The following SMG6 variants were observed in gnomAD, a reference collection of about 807,000 sequenced individuals.
SMG6 encodes SMG6 nonsense mediated mRNA decay factor.
A neutral mutation model predicts 142.2 loss-of-function variants in SMG6; 66 were observed. The observed-to-expected ratio is 0.46, with a 90% CI of 0.38 to 0.57. The LOEUF is 0.57. Ranked by LOEUF, SMG6 falls within the 20% of genes least tolerant of loss-of-function variation. The probability of loss-of-function intolerance (pLI) is 0.00; values close to 1 mark genes in which losing one functional copy is unlikely to be tolerated. For synonymous variants in SMG6, 779 were observed against 702.4 expected, an observed-to-expected ratio of 1.11 and a Z score of -1.72; for missense variants, 1,793 against 1,832.0, an observed-to-expected ratio of 0.98 and a Z score of 0.39.
intron 2 of SMG6, among the ~76,000 whole-genome samples, chr17:2,298,323 C>A (rs966844363): frequency 6.6e-6 from 1 of 152,172 alleles, no homozygotes; most frequent in Non-Finnish European, 1.5e-5. Flanking sequence ...ACATGTTGTT[C>A]ATTTCTTGGC....
Position 2,297,278 on chromosome 17 carries a change from C to T in SMG6, c.2116G>A (p.Gly706Ser), listed in dbSNP as rs937853841. The T allele has an allele frequency of 3.1e-6, 5 of 1,612,026 alleles. No individual in the cohort carries two copies. Among genetic ancestry groups the T allele is most frequent in the Admixed American group, 3.4e-5 (2 of 59,638 alleles). The change falls in exon 4 of 19, where the codon GGT (glycine) becomes AGT (serine). Residue 706 changes from glycine (G) to serine (S), a missense_variant. Around this residue, in one of 3 missense-constraint regions of SMG6, gnomAD observed 1,597 missense variants for 1,584.6 expected, o/e 1.01. Coordinates refer to ENST00000263073, the MANE Select transcript of SMG6 (RefSeq NM_017575.5). ...AATGGCTTGCTGCGAATGGCAAGAC[C>T]ATCCATGTAGTCTTCCAGTTTGAAC... ...YKFKLEDYMD[G>S]LAIRSKPLRK...
At chr17:2,154,620 T>C (rs1474976090) in intron 13 of SMG6, among the ~76,000 whole-genome samples, 1 of 152,158 alleles carries the variant, frequency 6.6e-6, no homozygotes, top group Non-Finnish European at 1.5e-5. Flanking sequence ...GCAAAGTGTA[T>C]ATTCAAGCTG....
intron 10 of SMG6, among the ~76,000 whole-genome samples, chr17:2,206,359 G>C (rs1248148777): frequency 6.6e-6 from 1 of 151,846 alleles, no homozygotes; most frequent in Non-Finnish European, 1.5e-5. Flanking sequence ...GCCGAGGCTG[G>C]AGAATCACTT....
At chr17:2,186,951 G>T in intron 11 of SMG6, 120 bp from the exon 12 acceptor site, 1 of 1,066,464 alleles carries the variant, frequency 9.4e-7, no homozygotes, top group Non-Finnish European at 1.3e-6. Flanking sequence ...GGAAAGATAG[G>T]CCCAGAAGCG....
At chr17:2,234,661 A>G (rs56238145) in intron 10 of SMG6, among the ~76,000 whole-genome samples, 4 of 152,098 alleles carry the variant, frequency 2.6e-5, no homozygotes, top group African/African-American at 7.2e-5. Context: ...ATGGAATAGA[A>G]GCTGCTGAAA....
chr17:2,095,634 G>A (rs74973996), intron 13 of SMG6, among the ~76,000 whole-genome samples: 3,399 of 152,198 alleles, frequency 0.022, 64 homozygotes, highest in South Asian at 0.067. Flanking sequence ...AAGAGAGCAC[G>A]CGCCCCTCCC....
intron 10 of SMG6, among the ~76,000 whole-genome samples, chr17:2,206,568 G>C (rs2072688106): frequency 6.6e-6 from 1 of 151,834 alleles, no homozygotes; most frequent in Non-Finnish European, 1.5e-5. Context: ...AACAAAGCAA[G>C]ATCTTGTCTC....
At chr17:2,192,611 C>T (rs780752023) in intron 10 of SMG6, among the ~76,000 whole-genome samples, 2 of 152,202 alleles carry the variant, frequency 1.3e-5, no homozygotes, top group Non-Finnish European at 2.9e-5. Flanking sequence ...TGGTCAGTCA[C>T]CTCCAAACTA....
chr17:2,149,038 G>A (rs1021262653), intron 13 of SMG6, among the ~76,000 whole-genome samples: 2 of 152,006 alleles, frequency 1.3e-5, no homozygotes, highest in African/African-American at 4.8e-5. Flanking sequence ...TAATGCTGTA[G>A]AACCGTACAT....
At chr17:2,163,294 C>G (rs1443886118) in intron 13 of SMG6, among the ~76,000 whole-genome samples, 1 of 152,148 alleles carries the variant, frequency 6.6e-6, no homozygotes, top group East Asian at 1.9e-4. Flanking sequence ...TCAAGTGATT[C>G]ACCCACCTCA....
rs550353374 is a variant in SMG6 at position 2,150,304 on chromosome 17, C to G, written c.3357+22354G>C. Among the ~76,000 whole-genome samples the G allele has an allele frequency of 5.9e-5, 9 of 152,340 alleles. No individual in the cohort carries two copies. The East Asian group carries it at 1.7e-3, about 29-fold the overall frequency. Reference sequence around the variant, plus strand: ...TCATCCTGAAACCACCCACTGCTAACCCTGTCTGTGGAAAAACTGTCTCCC... The same window carrying G: ...TCATCCTGAAACCACCCACTGCTAAGCCTGTCTGTGGAAAAACTGTCTCCC... On this transcript the variant is annotated intron_variant, in intron 13 of 18. Coordinates refer to ENST00000263073, the MANE Select transcript of SMG6 (RefSeq NM_017575.5).
chr17:2,082,877 C>T (rs1245293252), intron 14 of SMG6, among the ~76,000 whole-genome samples: 1 of 152,200 alleles, frequency 6.6e-6, no homozygotes, highest in Non-Finnish European at 1.5e-5. Context: ...ATGACAACAG[C>T]TATCACTTAC....
chr17:2,123,157 C>CG, intron 13 of SMG6, among the ~76,000 whole-genome samples: 1 of 152,356 alleles, frequency 6.6e-6, no homozygotes, highest in South Asian at 2.1e-4. Flanking sequence ...CCTCAGGAAC[C>CG]GCGCTGGCTA....
intron 13 of SMG6, among the ~76,000 whole-genome samples, chr17:2,147,581 AT>A (rs2070707088): frequency 6.6e-6 from 1 of 152,106 alleles, no homozygotes; most frequent in Admixed American, 6.6e-5. Flanking sequence ...TTAAAAAAAA[AT>A]GATCAGAGCC....
At chr17:2,261,221 G>A (rs2074305637) in intron 8 of SMG6, among the ~76,000 whole-genome samples, 1 of 151,836 alleles carries the variant, frequency 6.6e-6, no homozygotes, top group African/African-American at 2.4e-5. Flanking sequence ...GGCTGAGGCA[G>A]GAGAATCACT....
chr17:2,287,020 C>G (rs1475670650), intron 6 of SMG6, among the ~76,000 whole-genome samples: 1 of 150,530 alleles, frequency 6.6e-6, no homozygotes, highest in Non-Finnish European at 1.5e-5. Flanking sequence ...CAAGCTCCGC[C>G]TCTCGGGTTC....
intron 12 of SMG6, among the ~76,000 whole-genome samples, chr17:2,175,019 G>T (rs1287479738): frequency 6.6e-6 from 1 of 152,070 alleles, no homozygotes. Context: ...GACAAGCACC[G>T]GATGTGATAG....
intron 13 of SMG6, among the ~76,000 whole-genome samples, chr17:2,100,185 G>C (rs2068967417): frequency 6.6e-6 from 1 of 152,122 alleles, no homozygotes; most frequent in Admixed American, 6.5e-5. Context: ...TTACAGGCAA[G>C]TGCCACCATA....
At chr17:2,063,118 G>T (rs974591471) in intron 18 of SMG6, 1 of 152,192 alleles carries the variant, frequency 6.6e-6, no homozygotes, top group Non-Finnish European at 1.5e-5. Flanking sequence ...CCTGCCCTGG[G>T]CCTCAAACCA....
Sources: allele counts gnomAD v4.1 joint callset (sites outside exome capture counted in the v4.1 genomes callset), GRCh38; gene constraint gnomAD v4.1.1; regional missense constraint gnomAD v4.1.1; transcripts MANE v1.5; gene names NCBI Gene and HGNC (gene_info 2026-07-23, HGNC 2026-07-21).